The following CCDC82 variants were observed in gnomAD, a reference collection of about 807,000 sequenced individuals.
CCDC82 encodes coiled-coil domain containing 82, also known as coiled-coil domain-containing protein 82.
In CCDC82, 47 loss-of-function variants were observed where a neutral mutation model predicts 60.6. The ratio of observed to expected loss-of-function variants is 0.77; its 90% CI spans 0.61 to 0.99. CCDC82 has a LOEUF of 0.99. CCDC82 is among the 50% of genes least tolerant of loss of function. The probability of loss-of-function intolerance (pLI) is 0.00; values close to 1 mark genes in which losing one functional copy is unlikely to be tolerated. For synonymous variants in CCDC82, 212 were observed against 207.4 expected, an observed-to-expected ratio of 1.02 and a Z score of -0.19; for missense variants, 588 against 633.0, an observed-to-expected ratio of 0.93 and a Z score of 0.76.
chr11:96,358,704 G>GT, intron 9 of CCDC82: 1 of 1,168,782 alleles, frequency 8.6e-7, no homozygotes, highest in Middle Eastern at 3.0e-4. Flanking sequence ...TAATATATAT[G>GT]TAAGCAATAC....
intron 5 of CCDC82, 103 bp downstream of exon 5, chr11:96,383,166 T>G: frequency 1.4e-6 from 1 of 724,410 alleles, no homozygotes; most frequent in Non-Finnish European, 2.4e-6. Context: ...GAAACCACAG[T>G]TTCTAGTCAA....
Position 96,353,073 on chromosome 11 carries a change from A to G in CCDC82, c.*573T>C, listed in dbSNP as rs757189997. The G allele has an allele frequency of 6.6e-6, 1 of 152,238 alleles. No individual in the cohort carries two copies. Among genetic ancestry groups the G allele is most frequent in the Non-Finnish European group, 1.5e-5 (1 of 68,016 alleles). 9.4% of individuals were successfully genotyped at this position (152,238 alleles called of 1,614,324 possible). On this transcript the variant is annotated 3_prime_UTR_variant, in exon 10 of 10. Coordinates refer to ENST00000646818, the MANE Select transcript of CCDC82 (RefSeq NM_024725.4). ...GAAAGACTCTAGAGGCCTGAAATCT[A>G]TTTGAAAGAGAAACTTTCAAGAAAA...
intron 5 of CCDC82, among the ~76,000 whole-genome samples, chr11:96,375,777 C>T (rs1256908173): frequency 6.6e-6 from 1 of 152,164 alleles, no homozygotes; most frequent in Non-Finnish European, 1.5e-5. Context: ...ATATATGTCA[C>T]AACACAAAAT....
chr11:96,358,644 A>G, intron 9 of CCDC82: 2 of 1,243,444 alleles, frequency 1.6e-6, no homozygotes, highest in South Asian at 3.8e-5. Context: ...GCAGACAAGC[A>G]GAGGTGAGTC....
intron 1 of CCDC82, chr11:96,389,247 T>C (rs935066539): frequency 3.3e-5 from 5 of 152,254 alleles, no homozygotes; most frequent in African/African-American, 1.2e-4. Context: ...GGGATAACTA[T>C]ATTATTCATT....
At chr11:96,364,743 G>A in intron 8 of CCDC82, 1 of 360,918 alleles carries the variant, frequency 2.8e-6, no homozygotes, top group Non-Finnish European at 5.0e-6. Flanking sequence ...ACTATGTGGT[G>A]ATTGCTCTAG....
intron 7 of CCDC82, among the ~76,000 whole-genome samples, chr11:96,365,410 C>T (rs1257235527): frequency 1.3e-5 from 2 of 152,084 alleles, no homozygotes; most frequent in African/African-American, 2.4e-5. Flanking sequence ...TACACTTCTG[C>T]GGTTGCTACT....
At chr11:96,386,638 C>A (rs563154146) in intron 2 of CCDC82, 2 of 152,230 alleles carry the variant, frequency 1.3e-5, no homozygotes, top group African/African-American at 4.8e-5. Flanking sequence ...GTGATCCTCC[C>A]ACCTTGGCCT....
intron 7 of CCDC82, among the ~76,000 whole-genome samples, chr11:96,366,095 C>T (rs75308773): frequency 0.016 from 2,442 of 152,278 alleles, 78 homozygotes; most frequent in African/African-American, 0.055. Context: ...AGATAACTAA[C>T]CACCTTCCTT....
chr11:96,369,008 C>T (rs556004912), intron 7 of CCDC82, among the ~76,000 whole-genome samples: 1 of 152,340 alleles, frequency 6.6e-6, no homozygotes, highest in African/African-American at 2.4e-5. Context: ...GCTGCTTCAC[C>T]TTTGCACTTT....
Position 96,359,142 on chromosome 11 carries a change from T to G in CCDC82, c.1417A>C (p.Arg473=). 1 of 1,587,476 alleles carries G rather than the reference T, an allele frequency of 6.3e-7. No individual in the cohort carries two copies. The highest frequency in any genetic ancestry group is 2.3e-5 in the East Asian group (1 of 43,312). ...AAATGTTTCAGTTTATGATAAATTC[T>G]GGTACGGCTGGCACAAATTCTGCCA... ...TVGRICASRT[R]IYHKLKHFKF... Residue 473 remains arginine (R), a synonymous_variant, in exon 9 of 10, where the codon AGA becomes CGA. Transcript: ENST00000646818.
intron 7 of CCDC82, among the ~76,000 whole-genome samples, chr11:96,369,426 C>A (rs949548486): frequency 3.9e-5 from 6 of 152,188 alleles, no homozygotes; most frequent in Admixed American, 3.9e-4. Context: ...GCAACTCTTC[C>A]TTTCACTTGA....
chr11:96,372,909 G>T (rs576525724), intron 6 of CCDC82, among the ~76,000 whole-genome samples: 4 of 151,892 alleles, frequency 2.6e-5, no homozygotes, highest in African/African-American at 7.2e-5. Context: ...AATATTATGT[G>T]AATGGGTCAT....
intron 9 of CCDC82, chr11:96,355,713 A>G (rs1234938179): frequency 6.6e-6 from 1 of 152,200 alleles, no homozygotes; most frequent in Admixed American, 6.5e-5. Context: ...AAGAAAAAAA[A>G]AACTTGGAAA....
chr11:96,383,573 C>A, intron 4 of CCDC82, 100 bp from the exon 5 acceptor site: 1 of 732,414 alleles, frequency 1.4e-6, no homozygotes, highest in South Asian at 2.2e-5. Flanking sequence ...AAAAATGATC[C>A]ATAGTAATTA....
intron 7 of CCDC82, among the ~76,000 whole-genome samples, chr11:96,365,979 T>C (rs893972146): frequency 7.9e-5 from 12 of 152,236 alleles, no homozygotes; most frequent in African/African-American, 2.4e-4. Flanking sequence ...ACTTTTTATA[T>C]TATATGATTG....
In CCDC82 at chr11:96,353,118, C is replaced by G. The variant is rs1415495203; in HGVS notation, c.*528G>C. On this transcript the variant is annotated 3_prime_UTR_variant, in exon 10 of 10. Coordinates refer to ENST00000646818, the MANE Select transcript of CCDC82 (RefSeq NM_024725.4). ...AGAAAAGGAAAAAAGCATTCCTCTA[C>G]TTAGAATAGATATGCTATGATCTGA... is the stretch of plus-strand genomic sequence containing the variant. The G allele has an allele frequency of 6.6e-6, 1 of 152,216 alleles. No individual in the cohort carries two copies. Among genetic ancestry groups the G allele is most frequent in the Admixed American group, 6.6e-5 (1 of 15,262 alleles). The allele number at this position is 152,216 out of a possible 1,614,324, so 9.4% of individuals were successfully genotyped here.
intron 7 of CCDC82, among the ~76,000 whole-genome samples, 171 bp from the exon 8 acceptor site, chr11:96,365,321 T>C (rs1864890979): frequency 6.6e-6 from 1 of 152,138 alleles, no homozygotes; most frequent in African/African-American, 2.4e-5. Context: ...TTACAAGATA[T>C]GTTTAAATAA....
intron 5 of CCDC82, among the ~76,000 whole-genome samples, chr11:96,378,186 A>G (rs1865689593): frequency 6.6e-6 from 1 of 151,936 alleles, no homozygotes; most frequent in African/African-American, 2.4e-5. Flanking sequence ...TAATTCTGCT[A>G]TCTACTGCTT....
Sources: allele counts gnomAD v4.1 joint callset (sites outside exome capture counted in the v4.1 genomes callset), GRCh38; gene constraint gnomAD v4.1.1; transcripts MANE v1.5; gene names NCBI Gene and HGNC (gene_info 2026-07-23, HGNC 2026-07-21).